TENM3: variants seen among roughly 807,000 people sequenced by gnomAD.
The protein encoded by TENM3 is teneurin-3.
A neutral mutation model predicts 255.1 loss-of-function variants in TENM3; 63 were observed. That is an observed-to-expected ratio of 0.25 (90% CI 0.20 to 0.30). The LOEUF (loss-of-function observed/expected upper bound fraction) is 0.30. TENM3 is among the 10% of genes least tolerant of loss of function. TENM3 has a pLI of 1.00. For synonymous variants in TENM3, 1,306 were observed against 1,322.3 expected (o/e 0.99, Z 0.27); for missense variants, 2,929 against 3,461.1 (o/e 0.85, Z 3.86).
the TENM3 span, among the ~76,000 whole-genome samples, chr4:181,469,623 C>A: frequency 2.6e-5 from 4 of 152,138 alleles, no homozygotes; most frequent in African/African-American, 9.7e-5. Context: ...AGCTGTAAGA[C>A]ATTTTGAAAT....
chr4:182,118,048 G>A, the TENM3 span, among the ~76,000 whole-genome samples: 2 of 151,956 alleles, frequency 1.3e-5, no homozygotes, highest in African/African-American at 4.8e-5. Flanking sequence ...AAATTAATGT[G>A]ATGTTAATTG....
chr4:181,566,962 T>C, the TENM3 span, among the ~76,000 whole-genome samples: 6 of 152,180 alleles, frequency 3.9e-5, no homozygotes, highest in African/African-American at 4.8e-5. Flanking sequence ...GAAGATGCCA[T>C]CTTCCGAGAC....
At position 182,298,984 on chromosome 4, in the gene TENM3, C is replaced by CAAAA. The variant is rs11283401; in HGVS notation, c.-75-24933_-75-24930dup. Among the ~76,000 whole-genome samples, 224 of 25,538 alleles carry CAAAA rather than the reference C, an allele frequency of 8.8e-3. 34 individuals are homozygous for CAAAA. Among genetic ancestry groups the CAAAA allele is most frequent in the Middle Eastern group, 0.091 (2 of 22 alleles). 16.8% of individuals were successfully genotyped at this position (25,538 alleles called of 152,430 possible). A position where few individuals can be genotyped will look rare whatever the true frequency, so the allele number is the denominator to read the frequency against. ...TGGGCAACAGAGCAAGACTCCTTCT[C>CAAAA]AAAAAAAAAAAAAAAAAAAAAAAAA... On this transcript the variant is annotated intron_variant, in intron 1 of 27. Coordinates refer to ENST00000511685, the MANE Select transcript of TENM3 (RefSeq NM_001080477.4).
chr4:181,760,168 G>T, the TENM3 span, among the ~76,000 whole-genome samples: 1 of 151,838 alleles, frequency 6.6e-6, no homozygotes, highest in African/African-American at 2.4e-5. Context: ...TAAACTAAAA[G>T]TCACCAATGG....
the TENM3 span, among the ~76,000 whole-genome samples, chr4:181,614,896 G>T: frequency 1.1e-3 from 163 of 152,340 alleles, no homozygotes; most frequent in African/African-American, 3.7e-3. Context: ...GGAGAAGACT[G>T]GTTGTGGGGA....
At chr4:182,621,567 A>T (rs115992090) in intron 4 of TENM3, among the ~76,000 whole-genome samples, 2 of 127,566 alleles carry the variant, frequency 1.6e-5, no homozygotes, top group Admixed American at 1.7e-4. Flanking sequence ...GATTGAGGTC[A>T]GCCTGAACAA....
chr4:182,370,137 A>C (rs550819393), intron 3 of TENM3, among the ~76,000 whole-genome samples: 3 of 152,204 alleles, frequency 2.0e-5, no homozygotes, highest in Admixed American at 6.5e-5. Context: ...GATTTCTCTC[A>C]AGGGAGGAAA....
chr4:182,724,356 G>A (rs1363822251), intron 13 of TENM3, among the ~76,000 whole-genome samples: 1 of 152,198 alleles, frequency 6.6e-6, no homozygotes, highest in African/African-American at 2.4e-5. Context: ...AACCTTAGCT[G>A]CCGTATAAAT....
chr4:181,564,275 G>A, the TENM3 span, among the ~76,000 whole-genome samples: 1 of 151,984 alleles, frequency 6.6e-6, no homozygotes, highest in Admixed American at 6.6e-5. Context: ...ATAGGACTGA[G>A]TCATTCATTA....
At chr4:181,695,177 G>T in the TENM3 span, among the ~76,000 whole-genome samples, 5 of 152,046 alleles carry the variant, frequency 3.3e-5, no homozygotes, top group East Asian at 7.7e-4. Context: ...TATGTTATTT[G>T]TACAATTGAT....
chr4:182,130,988 G>C, the TENM3 span, among the ~76,000 whole-genome samples: 1 of 152,048 alleles, frequency 6.6e-6, no homozygotes, highest in Non-Finnish European at 1.5e-5. Flanking sequence ...ACATGAAATT[G>C]TTATTTGATA....
At chr4:181,756,510 T>C in the TENM3 span, among the ~76,000 whole-genome samples, 3 of 152,218 alleles carry the variant, frequency 2.0e-5, no homozygotes, top group Non-Finnish European at 1.5e-5. Context: ...TGCTCCAAGA[T>C]GGCCTGTGCA....
chr4:182,592,029 G>T (rs1746701107), intron 3 of TENM3, among the ~76,000 whole-genome samples: 5 of 151,730 alleles, frequency 3.3e-5, no homozygotes. Context: ...TGTCTGCAAT[G>T]TGTGTGAGAT....
At chr4:182,645,018 T>G (rs1443579486) in intron 5 of TENM3, among the ~76,000 whole-genome samples, 3 of 152,054 alleles carry the variant, frequency 2.0e-5, no homozygotes, top group African/African-American at 7.2e-5. Context: ...TACAACTTAT[T>G]TTAAAGGGAT....
At chr4:182,063,748 C>T in the TENM3 span, among the ~76,000 whole-genome samples, 1 of 152,154 alleles carries the variant, frequency 6.6e-6, no homozygotes, top group African/African-American at 2.4e-5. Context: ...TTTCTGCCCT[C>T]CTTGGTGCTA....
the TENM3 span, among the ~76,000 whole-genome samples, chr4:181,576,859 G>A: frequency 7.4e-6 from 1 of 134,440 alleles, no homozygotes; most frequent in Middle Eastern, 4.0e-3. Flanking sequence ...TATTGCCCAG[G>A]CTGGAGTGCA....
chr4:182,009,299 A>C, the TENM3 span, among the ~76,000 whole-genome samples: 1 of 152,044 alleles, frequency 6.6e-6, no homozygotes, highest in African/African-American at 2.4e-5. Flanking sequence ...AAACCCACTT[A>C]TCAAGGCTGC....
At chr4:181,553,259 A>G in the TENM3 span, among the ~76,000 whole-genome samples, 1 of 64,416 alleles carries the variant, frequency 1.6e-5, no homozygotes, top group Admixed American at 2.0e-4. Context: ...TATAGTCATT[A>G]AGTGTGTGTG....
chr4:182,307,633 G>A (rs58795267), intron 1 of TENM3, among the ~76,000 whole-genome samples: 5,873 of 152,270 alleles, frequency 0.039, 282 homozygotes, highest in African/African-American at 0.11. Context: ...ACAGCAAATT[G>A]AATTACTTTA....
Sources: allele counts gnomAD v4.1 joint callset (sites outside exome capture counted in the v4.1 genomes callset), GRCh38; gene constraint gnomAD v4.1.1; transcripts MANE v1.5; gene names NCBI Gene and HGNC (gene_info 2026-07-23, HGNC 2026-07-21).